DENND1B: variants seen among roughly 807,000 people sequenced by gnomAD.
The protein encoded by DENND1B is DENN domain-containing protein 1B.
In DENND1B, 59 loss-of-function variants were observed where a neutral mutation model predicts 90.1. The observed-to-expected ratio is 0.65, with a 90% CI of 0.53 to 0.81. The LOEUF is 0.81. DENND1B is among the 40% of genes least tolerant of loss of function. The pLI is 0.00. For synonymous variants in DENND1B, 337 were observed against 324.6 expected, an observed-to-expected ratio of 1.04 and a Z score of -0.41; for missense variants, 862 against 912.6, an observed-to-expected ratio of 0.94 and a Z score of 0.71.
intron 2 of DENND1B, among the ~76,000 whole-genome samples, chr1:197,744,914 T>C (rs1663561966): frequency 6.6e-6 from 1 of 152,242 alleles, no homozygotes; most frequent in Non-Finnish European, 1.5e-5. Context: ...CACTTGCTGC[T>C]TCACCATATA....
chr1:197,603,870 A>C (rs1235470744), intron 13 of DENND1B, among the ~76,000 whole-genome samples: 1 of 151,368 alleles, frequency 6.6e-6, no homozygotes, highest in Non-Finnish European at 1.5e-5. Context: ...CTGCATTTTC[A>C]TAAATTAAAA....
chr1:197,776,814 A>G (rs1301011650), upstream of DENND1B, among the ~76,000 whole-genome samples: 1 of 121,596 alleles, frequency 8.2e-6, no homozygotes, highest in East Asian at 3.3e-4. Context: ...TAACTGGGAA[A>G]CAAACAAACA....
intron 10 of DENND1B, among the ~76,000 whole-genome samples, chr1:197,620,438 T>C (rs1678053033): frequency 6.6e-6 from 1 of 151,306 alleles, no homozygotes; most frequent in African/African-American, 2.4e-5. Flanking sequence ...ATAAGAACTC[T>C]ATGCTAGATG....
At chr1:197,735,593 T>C (rs750489427) in intron 2 of DENND1B, 5 of 1,614,008 alleles carry the variant, frequency 3.1e-6, no homozygotes, top group Non-Finnish European at 4.2e-6. Context: ...TACTCGAAAA[T>C]ACAGGTTGGG....
At chr1:197,708,067 A>G (rs1264305179) in intron 3 of DENND1B, among the ~76,000 whole-genome samples, 7 of 144,282 alleles carry the variant, frequency 4.9e-5, no homozygotes, top group East Asian at 4.2e-4. Context: ...CACCTGGCTC[A>G]GAGGGTCCTA....
intron 6 of DENND1B, among the ~76,000 whole-genome samples, chr1:197,654,585 G>C (rs992236847): frequency 6.6e-6 from 1 of 151,946 alleles, no homozygotes; most frequent in Non-Finnish European, 1.5e-5. Flanking sequence ...CCTTCAGCCT[G>C]GGCGACAGAG....
At chr1:197,701,203 G>A (rs756820779) in intron 3 of DENND1B, among the ~76,000 whole-genome samples, 5 of 152,152 alleles carry the variant, frequency 3.3e-5, no homozygotes, top group Admixed American at 6.5e-5. Flanking sequence ...TGATAGACTG[G>A]ATAAAGAAAA....
At chr1:197,553,232 T>G in intron 15 of DENND1B, 120 bp from the exon 16 acceptor site, 1 of 758,908 alleles carries the variant, frequency 1.3e-6, no homozygotes, top group Non-Finnish European at 2.0e-6. Context: ...AACAGACTCT[T>G]GTATAAATTA....
intron 2 of DENND1B, among the ~76,000 whole-genome samples, chr1:197,732,835 T>A (rs1017573113): frequency 6.6e-6 from 1 of 152,198 alleles, no homozygotes; most frequent in Non-Finnish European, 1.5e-5. Flanking sequence ...GTATTGACAA[T>A]GCCAATATAA....
At chr1:197,701,057 G>A (rs959126666) in intron 3 of DENND1B, among the ~76,000 whole-genome samples, 1 of 152,158 alleles carries the variant, frequency 6.6e-6, no homozygotes, top group Admixed American at 6.5e-5. Context: ...ATAACCATTT[G>A]ACCCAGCAAT....
intron 3 of DENND1B, among the ~76,000 whole-genome samples, chr1:197,703,420 GTAT>G (rs1277424742): frequency 2.0e-5 from 3 of 152,052 alleles, no homozygotes; most frequent in Admixed American, 6.6e-5. Flanking sequence ...CTATTGAAAT[GTAT>G]TATATTAGAA....
intron 14 of DENND1B, among the ~76,000 whole-genome samples, chr1:197,583,681 T>C (rs1170876280): frequency 1.3e-5 from 2 of 152,214 alleles, no homozygotes; most frequent in East Asian, 3.8e-4. Flanking sequence ...ATTTGTTTTT[T>C]AATTAATGAA....
At chr1:197,512,150 G>A (rs191968494) in intron 21 of DENND1B, among the ~76,000 whole-genome samples, 3 of 151,712 alleles carry the variant, frequency 2.0e-5, no homozygotes, top group East Asian at 1.9e-4. Flanking sequence ...AAAAGTTTAC[G>A]GTACCTTATG....
At chr1:197,639,645 C>T (rs867493763) in intron 10 of DENND1B, among the ~76,000 whole-genome samples, 1 of 151,810 alleles carries the variant, frequency 6.6e-6, no homozygotes, top group African/African-American at 2.4e-5. Context: ...ATGGATAAAA[C>T]GTTAATTTCG....
At chr1:197,681,147 C>T (rs565862722) in intron 3 of DENND1B, among the ~76,000 whole-genome samples, 1 of 152,128 alleles carries the variant, frequency 6.6e-6, no homozygotes, top group African/African-American at 2.4e-5. Context: ...TGATGAAAAG[C>T]ATTATACTGA....
At chr1:197,651,239 T>A (rs1386606483) in intron 7 of DENND1B, among the ~76,000 whole-genome samples, 1 of 152,032 alleles carries the variant, frequency 6.6e-6, no homozygotes, top group Admixed American at 6.5e-5. Context: ...ATTTTAATAG[T>A]CTAGCCCATA....
intron 3 of DENND1B, among the ~76,000 whole-genome samples, chr1:197,698,476 T>C (rs1010880794): frequency 1.3e-5 from 2 of 151,942 alleles, no homozygotes; most frequent in African/African-American, 4.8e-5. Context: ...GATCTCAAAT[T>C]GATGCCCTAA....
At chr1:197,587,431 C>T (rs566158048) in intron 14 of DENND1B, among the ~76,000 whole-genome samples, 12 of 152,080 alleles carry the variant, frequency 7.9e-5, no homozygotes, top group African/African-American at 1.7e-4. Flanking sequence ...GCAGTCATTT[C>T]GATGGAAAGC....
At chr1:197,535,467 TAAC>T (rs1340849915) in intron 20 of DENND1B, among the ~76,000 whole-genome samples, 6 of 152,108 alleles carry the variant, frequency 3.9e-5, no homozygotes, top group Admixed American at 6.5e-5. Flanking sequence ...AGTAAGAGAT[TAAC>T]AACAATAACT....
Sources: allele counts gnomAD v4.1 joint callset (sites outside exome capture counted in the v4.1 genomes callset), GRCh38; gene constraint gnomAD v4.1.1; transcripts MANE v1.5; gene names NCBI Gene and HGNC (gene_info 2026-07-23, HGNC 2026-07-21).